Variants in CACNB2 observed in about 807,000 individuals in gnomAD.
CACNB2 encodes voltage-dependent L-type calcium channel subunit beta-2.
A neutral mutation model predicts 73.3 loss-of-function variants in CACNB2; 42 were observed. That is an observed-to-expected ratio of 0.57 (90% CI 0.45 to 0.74). The LOEUF (loss-of-function observed/expected upper bound fraction) is 0.74, where lower values mean the gene tolerates loss of function less well. CACNB2 is among the 30% of genes least tolerant of loss of function. CACNB2 has a pLI of 0.00. For missense variants in CACNB2, 940 were observed against 853.0 expected (o/e 1.10, Z -1.27); for synonymous variants, 348 against 310.3 (o/e 1.12, Z -1.28).
chr10:18,429,681 AC>A (rs71402163), intron 3 of CACNB2, among the ~76,000 whole-genome samples: 26,629 of 117,550 alleles, frequency 0.23, 6,599 homozygotes, highest in Middle Eastern at 0.34. Context: ...AAAAAAAAAA[AC>A]CAAATTAACC....
intron 2 of CACNB2, among the ~76,000 whole-genome samples, chr10:18,253,984 G>A (rs1564379040): frequency 2.0e-5 from 3 of 152,158 alleles, no homozygotes; most frequent in Non-Finnish European, 4.4e-5. Flanking sequence ...TACATCATAC[G>A]AAGCTGAGGG....
chr10:18,255,416 C>G (rs569128719), intron 2 of CACNB2, among the ~76,000 whole-genome samples: 1 of 152,192 alleles, frequency 6.6e-6, no homozygotes, highest in Non-Finnish European at 1.5e-5. Flanking sequence ...TGTCAACCCC[C>G]TCTACATTCT....
At chr10:18,463,262 A>G (rs1221492011) in intron 3 of CACNB2, among the ~76,000 whole-genome samples, 1 of 151,916 alleles carries the variant, frequency 6.6e-6, no homozygotes, top group Admixed American at 6.6e-5. Flanking sequence ...GGTGGCTCAC[A>G]CCTGTAATCC....
chr10:18,537,060 C>T (rs917462228), intron 12 of CACNB2, among the ~76,000 whole-genome samples: 1 of 152,090 alleles, frequency 6.6e-6, no homozygotes, highest in East Asian at 1.9e-4. Context: ...TCTCAGCTCA[C>T]TATTGCAACC....
At chr10:18,499,805 TAAAA>T (rs60864177) in intron 4 of CACNB2, among the ~76,000 whole-genome samples, 18 of 117,816 alleles carry the variant, frequency 1.5e-4, no homozygotes, top group African/African-American at 4.6e-4. Context: ...ACCCCATCTC[TAAAA>T]AAAAAAAAAA....
chr10:18,319,929 T>C (rs1310781094), intron 2 of CACNB2, among the ~76,000 whole-genome samples: 2 of 152,084 alleles, frequency 1.3e-5, no homozygotes, highest in African/African-American at 4.8e-5. Context: ...CCAGGGCAGC[T>C]GGAGTGGAGG....
intron 7 of CACNB2, 66 bp downstream of exon 7, chr10:18,514,435 T>C: frequency 6.2e-7 from 1 of 1,613,688 alleles, no homozygotes; most frequent in Non-Finnish European, 8.5e-7. Context: ...TTTCTAGTCC[T>C]GTTGACTGTC....
At chr10:18,500,688 AATG>A in intron 4 of CACNB2, 121 bp from the exon 5 acceptor site, 2 of 983,958 alleles carry the variant, frequency 2.0e-6, no homozygotes, top group Non-Finnish European at 3.2e-6. Flanking sequence ...GGGTTTCTTG[AATG>A]ATAATATTTA....
intron 2 of CACNB2, among the ~76,000 whole-genome samples, chr10:18,272,036 CT>C (rs969353552): frequency 4.5e-4 from 67 of 150,364 alleles, no homozygotes; most frequent in African/African-American, 1.6e-3. Context: ...TTTCTTTTTT[CT>C]TTTTTTTTCT....
intron 3 of CACNB2, among the ~76,000 whole-genome samples, chr10:18,439,923 A>G (rs1211732722): frequency 6.6e-6 from 1 of 152,176 alleles, no homozygotes; most frequent in Non-Finnish European, 1.5e-5. Flanking sequence ...ATGCAAATAT[A>G]TATGTAGATA....
At chr10:18,445,256 CCT>C (rs1383650420) in intron 3 of CACNB2, among the ~76,000 whole-genome samples, 1 of 152,106 alleles carries the variant, frequency 6.6e-6, no homozygotes, top group Non-Finnish European at 1.5e-5. Flanking sequence ...CAGCTGGCAC[CCT>C]GAGAACTGGT....
At chr10:18,457,898 GA>G (rs1447463602) in intron 3 of CACNB2, among the ~76,000 whole-genome samples, 9 of 144,842 alleles carry the variant, frequency 6.2e-5, no homozygotes, top group South Asian at 4.4e-4. Context: ...CTCAAAAAAG[GA>G]AAAAAAAAAG....
At chr10:18,286,517 CAAAAAAAAAAAAAAAAAAAA>C (rs770589594) in intron 2 of CACNB2, among the ~76,000 whole-genome samples, 9 of 57,330 alleles carry the variant, frequency 1.6e-4, no homozygotes, top group South Asian at 9.5e-4. Context: ...GATTCTGTCT[CAAAAAAAAAAAAAAAAAAAA>C]AAAAAAAAAA....
At chr10:18,393,614 G>C (rs1386143414) in intron 2 of CACNB2, among the ~76,000 whole-genome samples, 1 of 152,188 alleles carries the variant, frequency 6.6e-6, no homozygotes, top group Non-Finnish European at 1.5e-5. Flanking sequence ...CTTTTGCACT[G>C]AAAGAAGACA....
chr10:18,246,733 A>G (rs1004861442), intron 2 of CACNB2, among the ~76,000 whole-genome samples: 1 of 152,080 alleles, frequency 6.6e-6, no homozygotes, highest in African/African-American at 2.4e-5. Flanking sequence ...GGCATGCACC[A>G]CCAGGCCCGG....
chr10:18,348,272 T>C (rs2041553107), intron 2 of CACNB2, among the ~76,000 whole-genome samples: 1 of 152,206 alleles, frequency 6.6e-6, no homozygotes, highest in African/African-American at 2.4e-5. Context: ...AGTTGAAAAT[T>C]TGGAAATTGT....
At chr10:18,481,329 C>T (rs2048762445) in intron 3 of CACNB2, among the ~76,000 whole-genome samples, 1 of 137,848 alleles carries the variant, frequency 7.3e-6, no homozygotes, top group Non-Finnish European at 1.5e-5. Flanking sequence ...TCACTGCAAC[C>T]TCTGCCTCCT....
intron 3 of CACNB2, among the ~76,000 whole-genome samples, chr10:18,458,096 A>G (rs2047377089): frequency 1.3e-5 from 2 of 152,344 alleles, no homozygotes; most frequent in South Asian, 2.1e-4. Context: ...CAATTCTGCT[A>G]TCTCATTGTC....
chr10:18,514,156 T>C, intron 6 of CACNB2, 80 bp from the exon 7 acceptor site: 1 of 1,494,388 alleles, frequency 6.7e-7, no homozygotes, highest in Non-Finnish European at 9.3e-7. Context: ...TATGGTTAGT[T>C]TTATTTGCTT....
Sources: gnomAD v4.1 joint callset for allele counts (sites outside exome capture counted in the v4.1 genomes callset) on GRCh38, gnomAD v4.1.1 for gene constraint, MANE v1.5 for transcripts, NCBI Gene and HGNC (gene_info 2026-07-23, HGNC 2026-07-21) for gene names.